Variants in ABCB1 observed in about 807,000 individuals in gnomAD.
ABCB1 encodes ATP binding cassette subfamily B member 1, also known as ATP-dependent translocase ABCB1.
ABCB1 carries 69 observed loss-of-function variants against 142.0 expected under a neutral mutation model. The ratio of observed to expected loss-of-function variants is 0.49; its 90% CI spans 0.40 to 0.59. ABCB1 has a LOEUF of 0.59. Among genes scored for constraint, ABCB1 ranks in the 20% least tolerant of loss-of-function variants. ABCB1 has a pLI of 0.00. For synonymous variants in ABCB1, 532 were observed against 539.2 expected, an observed-to-expected ratio of 0.99 and a Z score of 0.18; for missense variants, 1,326 against 1,554.7, an observed-to-expected ratio of 0.85 and a Z score of 2.47.
chr7:87,691,402 G>A (rs567807408), intron 1 of ABCB1, among the ~76,000 whole-genome samples: 20 of 152,220 alleles, frequency 1.3e-4, no homozygotes, highest in Admixed American at 9.8e-4. Flanking sequence ...TAATTATACT[G>A]TTGTATTTGA....
intron 1 of ABCB1, chr7:87,659,108 C>G: frequency 3.4e-6 from 1 of 296,020 alleles, no homozygotes. Context: ...GAGCTGTGAT[C>G]GTGCCATCAT....
chr7:87,522,254 C>T (rs1016342580), intron 21 of ABCB1: 4 of 976,386 alleles, frequency 4.1e-6, no homozygotes, highest in Non-Finnish European at 3.3e-6. Flanking sequence ...GCAATTACAA[C>T]AATTAGTTTT....
intron 1 of ABCB1, among the ~76,000 whole-genome samples, chr7:87,690,003 A>T (rs1260617595): frequency 1.3e-5 from 2 of 151,900 alleles, no homozygotes; most frequent in Admixed American, 6.6e-5. Flanking sequence ...AAAATTTTTA[A>T]ATTTTTTATA....
chr7:87,551,864 G>A (rs1817087310), intron 9 of ABCB1, among the ~76,000 whole-genome samples: 1 of 151,950 alleles, frequency 6.6e-6, no homozygotes, highest in Admixed American at 6.6e-5. Context: ...TAGATCATCA[G>A]TAAGGTAAAG....
At chr7:87,550,609 A>G in intron 10 of ABCB1, 31 bp from the exon 11 acceptor site, 1 of 1,596,660 alleles carries the variant, frequency 6.3e-7, no homozygotes, top group South Asian at 1.1e-5. Flanking sequence ...AGAGATTACT[A>G]GGTTACAATA....
intron 8 of ABCB1, among the ~76,000 whole-genome samples, chr7:87,557,342 GCACA>G (rs1333772887): frequency 6.6e-6 from 1 of 152,156 alleles, no homozygotes; most frequent in Non-Finnish European, 1.5e-5. Context: ...CTAGAACCTA[GCACA>G]GTGCCTGGCA....
intron 1 of ABCB1, among the ~76,000 whole-genome samples, chr7:87,696,200 CATCTT>C (rs1828479959): frequency 1.3e-5 from 2 of 152,136 alleles, no homozygotes; most frequent in Admixed American, 1.3e-4. Flanking sequence ...CAGCATATCT[CATCTT>C]TGGAATAACA....
In ABCB1 at chr7:87,550,379, T is replaced by C. The variant is rs2032585; in HGVS notation, c.1225-83A>G. 1,676 of 1,607,106 alleles carry C rather than the reference T, an allele frequency of 1.0e-3. 21 individuals are homozygous for C. The African/African-American group carries it at 0.02, about 19-fold the overall frequency. On this transcript the variant is annotated intron_variant, in intron 11 of 27. Coordinates refer to ENST00000622132, the MANE Select transcript of ABCB1 (RefSeq NM_001348946.2). ...ACTGACTGTTCACTAGGTTTAAATA[T>C]ACATGCACTTTTTTATAATCTCTAC...
chr7:87,559,297 C>T (rs1192589201), intron 8 of ABCB1, among the ~76,000 whole-genome samples: 1 of 152,008 alleles, frequency 6.6e-6, no homozygotes, highest in East Asian at 1.9e-4. Context: ...CTCAGATCTT[C>T]TCCTTCTTAA....
At chr7:87,657,299 G>T (rs1458393356) in intron 1 of ABCB1, among the ~76,000 whole-genome samples, 1 of 152,014 alleles carries the variant, frequency 6.6e-6, no homozygotes, top group African/African-American at 2.4e-5. Flanking sequence ...CAACAACAAT[G>T]AAAACCTCTC....
intron 3 of ABCB1, among the ~76,000 whole-genome samples, chr7:87,593,440 T>C (rs17149790): frequency 0.019 from 2,965 of 152,322 alleles, 91 homozygotes; most frequent in African/African-American, 0.067. Context: ...AAAAATCTCA[T>C]AGTGGAAATA....
intron 1 of ABCB1, among the ~76,000 whole-genome samples, chr7:87,649,076 C>A (rs1020325160): frequency 4.6e-5 from 7 of 151,992 alleles, no homozygotes; most frequent in African/African-American, 1.7e-4. Flanking sequence ...TTAACAGCTC[C>A]CCTTATCTTC....
intron 4 of ABCB1, among the ~76,000 whole-genome samples, chr7:87,571,041 G>A (rs1177219309): frequency 6.6e-6 from 1 of 152,118 alleles, no homozygotes; most frequent in East Asian, 1.9e-4. Flanking sequence ...ATACACATAT[G>A]TTATAAATGT....
At chr7:87,589,845 GGAGGGA>G (rs1818922455) in intron 3 of ABCB1, among the ~76,000 whole-genome samples, 2 of 108,110 alleles carry the variant, frequency 1.8e-5, no homozygotes, top group Non-Finnish European at 1.8e-5. Context: ...AGGGAGAGAG[GGAGGGA>G]GAGAGAGAGA....
chr7:87,671,430 TGAG>T (rs531681925), intron 1 of ABCB1, among the ~76,000 whole-genome samples: 53 of 152,210 alleles, frequency 3.5e-4, no homozygotes, highest in African/African-American at 1.2e-3. Flanking sequence ...ACCTGTCTGG[TGAG>T]GAGATCTGAG....
At chr7:87,587,431 A>C (rs74663041) in intron 3 of ABCB1, among the ~76,000 whole-genome samples, 3,166 of 152,324 alleles carry the variant, frequency 0.021, 119 homozygotes, top group African/African-American at 0.073. Context: ...AGAGAGGTTA[A>C]AGAAAAATGT....
intron 1 of ABCB1, among the ~76,000 whole-genome samples, chr7:87,617,341 T>C (rs1820063831): frequency 6.6e-6 from 1 of 152,170 alleles, no homozygotes; most frequent in Non-Finnish European, 1.5e-5. Context: ...AAACCAAAAC[T>C]TTGGTAATGT....
At chr7:87,652,082 G>T (rs1823634245) in intron 1 of ABCB1, among the ~76,000 whole-genome samples, 1 of 152,048 alleles carries the variant, frequency 6.6e-6, no homozygotes, top group East Asian at 1.9e-4. Context: ...ACTATATTGT[G>T]TGATGATCGT....
intron 1 of ABCB1, among the ~76,000 whole-genome samples, chr7:87,698,096 T>C (rs1004646202): frequency 2.6e-5 from 4 of 152,230 alleles, no homozygotes; most frequent in African/African-American, 9.6e-5. Flanking sequence ...TATTTTATTT[T>C]TAATTTTTTA....
Sources: allele counts gnomAD v4.1 joint callset (sites outside exome capture counted in the v4.1 genomes callset), GRCh38; gene constraint gnomAD v4.1.1; transcripts MANE v1.5; gene names NCBI Gene and HGNC (gene_info 2026-07-23, HGNC 2026-07-21).